Variants in COL2A1 observed in about 807,000 individuals in gnomAD.
COL2A1 encodes the protein collagen alpha-1(II) chain.
A neutral mutation model predicts 204.5 loss-of-function variants in COL2A1; 28 were observed. The observed-to-expected ratio is 0.14, with a 90% CI of 0.10 to 0.19. COL2A1 has a LOEUF of 0.19. COL2A1 is among the 10% of genes least tolerant of loss of function. COL2A1 has a pLI of 1.00. For missense variants in COL2A1, 1,388 were observed against 2,027.5 expected (o/e 0.68, Z 6.06); for synonymous variants, 708 against 718.7 (o/e 0.99, Z 0.24).
At position 47,981,422 on chromosome 12, in the gene COL2A1, C is replaced by G. The variant is rs533900380; in HGVS notation, c.2410-26G>C. Reference sequence around the variant, plus strand: ...CTGAGGGTGGGGAAGGGAGGAAGAGCTGGGGTAAGAAGGTGGGGAGGCAGA... The same window carrying G: ...CTGAGGGTGGGGAAGGGAGGAAGAGGTGGGGTAAGAAGGTGGGGAGGCAGA... On this transcript the variant is annotated intron_variant, in intron 36 of 53. Coordinates refer to ENST00000380518, the MANE Select transcript of COL2A1 (RefSeq NM_001844.5). 12 of 1,601,718 alleles carry G rather than the reference C, an allele frequency of 7.5e-6. No individual in the cohort carries two copies. In the South Asian group the frequency reaches 9.0e-5, roughly 12 times the overall value.
At chr12:47,997,583 G>GA (rs1173711145) in intron 7 of COL2A1, 23 bp downstream of exon 7, 1 of 1,613,884 alleles carries the variant, frequency 6.2e-7, no homozygotes, top group Admixed American at 1.7e-5. Context: ...CAGCCTGAAG[G>GA]AATGGGAAGT....
rs746398266 is a variant in COL2A1 at position 47,987,240 on chromosome 12, G to A, written c.1266+29C>T. The A allele has an allele frequency of 3.7e-6, 6 of 1,613,912 alleles. No individual in the cohort carries two copies. The East Asian group carries it at 1.3e-4, about 36-fold the overall frequency. On this transcript the variant is annotated intron_variant, in intron 20 of 53. Transcript: ENST00000380518. This position sits in a 1 kb window ranked among gnomAD's most constrained non-coding sequence, Gnocchi z 4.1. ...GGAGAGGCAGGACTGGGCTCTCCTG[G>A]GGTAGCAAAGTCCACGGGCAACACT...
chr12:47,977,769 C>T, intron 44 of COL2A1, 116 bp from the exon 45 acceptor site: 1 of 1,228,394 alleles, frequency 8.1e-7, no homozygotes, highest in Non-Finnish European at 1.2e-6. Flanking sequence ...CTCACTCACA[C>T]TTTGAAGCCA....
chr12:47,981,933 G>A (rs1565676743), intron 35 of COL2A1, 104 bp from the exon 36 acceptor site: 2 of 1,337,630 alleles, frequency 1.5e-6, no homozygotes. Flanking sequence ...CGCCTCCAGA[G>A]CTCCCACTTA....
intron 15 of COL2A1, among the ~76,000 whole-genome samples, chr12:47,993,158 C>T (rs1458450125): frequency 6.6e-6 from 1 of 152,182 alleles, no homozygotes; most frequent in Non-Finnish European, 1.5e-5. Flanking sequence ...CTGTTGCTAC[C>T]TATTGGGAAC....
rs922290023 is a variant in COL2A1 at position 47,995,146 on chromosome 12, C to G, written c.762+109G>C. Reference sequence around the variant, plus strand: ...GGTTTGGGACTGCCCAGTCTTGCTCCTCAAGATACCTCCACCCTGGGTGCC... The same window carrying G: ...GGTTTGGGACTGCCCAGTCTTGCTCGTCAAGATACCTCCACCCTGGGTGCC... On this transcript the variant is annotated intron_variant, in intron 11 of 53. Transcript: ENST00000380518. 22 of 940,598 alleles carry G rather than the reference C, an allele frequency of 2.3e-5. No individual in the cohort carries two copies. In the East Asian group the frequency reaches 4.3e-4, roughly 18 times the overall value. The allele number at this position is 940,598 out of a possible 1,614,324, so 58.3% of individuals were successfully genotyped here. A position where few individuals can be genotyped will look rare whatever the true frequency, so the allele number is the denominator to read the frequency against.
rs1025771975 is a variant in COL2A1, at chr12:47,983,115, G to T, written c.2072C>A (p.Ala691Asp). 1 of 1,613,774 alleles carries T rather than the reference G, an allele frequency of 6.2e-7. No homozygotes were observed. The change falls in exon 32 of 54, where the codon GCC becomes GAC. Residue 691 changes from alanine (A) to aspartate (D), a missense_variant. Transcript: ENST00000380518. ...GDQGVPGEAG[A>D]PGLVGPRGER... ...CACCCTGGGACCCACGAGGCCAGGG[G>T]CTCCAGCTTCACCGGGAACACCCTG...
chr12:48,003,228 C>CAA (rs1337370410), intron 1 of COL2A1, among the ~76,000 whole-genome samples: 1 of 152,194 alleles, frequency 6.6e-6, no homozygotes, highest in East Asian at 1.9e-4. Context: ...GACCCGACTA[C>CAA]AAGAGCCATC....
intron 36 of COL2A1, 74 bp from the exon 37 acceptor site, chr12:47,981,470 T>TG: frequency 7.3e-7 from 1 of 1,362,942 alleles, no homozygotes; most frequent in Non-Finnish European, 1.0e-6. Context: ...AAAGTGCATT[T>TG]GGGGGGCCTT....
intron 23 of COL2A1, 86 bp from the exon 24 acceptor site, chr12:47,986,051 A>C: frequency 1.0e-5 from 13 of 1,306,258 alleles, no homozygotes; most frequent in Non-Finnish European, 1.4e-5. Context: ...CTAACCCACC[A>C]ACCCCAATTT....
In COL2A1 at chr12:47,977,387, G is replaced by A. The variant is rs746255869; in HGVS notation, c.3206C>T (p.Ala1069Val). ...GCCAGGGGAGCCAGGGGGCCCAGGG[G>A]CTCCAGGAGCTCCCACAGCACCAGT... ...GETGAVGAPG[A>V]PGPPGSPGPA... Residue 1069 changes from alanine (A) to valine (V), a missense_variant, in exon 46 of 54, where the codon GCC becomes GTC. By Grantham distance (64) the Ala-to-Val change is moderately conservative. Coordinates refer to ENST00000380518, the MANE Select transcript of COL2A1 (RefSeq NM_001844.5). 6.2e-7 allele frequency: 1 copy of A among 1,613,426 alleles called. No individual in the cohort carries two copies. The highest frequency in any genetic ancestry group is 8.5e-7 in the Non-Finnish European group (1 of 1,179,606).
chr12:48,004,644 C>A, upstream of COL2A1: 1 of 233,204 alleles, frequency 4.3e-6, no homozygotes, highest in Non-Finnish European at 8.4e-6. Flanking sequence ...CCAAGCCGGA[C>A]CCCCCTCTCT....
In COL2A1 at chr12:47,980,761, C is replaced by G; in HGVS notation, c.2518-100G>C. The G allele has an allele frequency of 2.8e-6, 4 of 1,409,002 alleles. No homozygotes were observed. The highest frequency in any genetic ancestry group is 3.0e-6 in the Non-Finnish European group (3 of 1,016,594). 87.3% of individuals were successfully genotyped at this position (1,409,002 alleles called of 1,614,324 possible). A position where few individuals can be genotyped will look rare whatever the true frequency, so the allele number is the denominator to read the frequency against. On this transcript the variant is annotated intron_variant, in intron 38 of 53. Transcript: ENST00000380518. This position sits in a 1 kb window ranked among gnomAD's most constrained non-coding sequence, Gnocchi z 4.5. ...CTCTGTGAGTATCTGCGTGTGTGTC[C>G]TGGTCTGGACATGATGGTTCTATTA...
chr12:47,981,655 TACGGCC>T, intron 36 of COL2A1, 115 bp downstream of exon 36: 2 of 1,188,804 alleles, frequency 1.7e-6, no homozygotes, highest in Non-Finnish European at 2.4e-6. Context: ...TCTTCACTCC[TACGGCC>T]TTGGCCGAGG....
chr12:47,984,001 G>T, intron 29 of COL2A1, 86 bp downstream of exon 29: 1 of 1,226,752 alleles, frequency 8.2e-7, no homozygotes, highest in African/African-American at 1.5e-5. Flanking sequence ...ACATCTGTCA[G>T]CTCCATTAAT....
At position 47,978,042 on chromosome 12, in the gene COL2A1, G is replaced by A. The variant is rs775553755; in HGVS notation, c.3079C>T (p.Leu1027=). 6.2e-7 allele frequency: 1 copy of A among 1,613,790 alleles called. No homozygotes were observed. Among genetic ancestry groups the A allele is most frequent in the Admixed American group, 1.7e-5 (1 of 60,022 alleles). ...GPPGPVGPPG[L]TGPAGEPGRE... is the part of the protein sequence containing the mutation. ...CCAGGTTCACCTGCAGGACCCGTCA[G>A]GCCAGGAGGACCCACGGGGCCAGGA... Residue 1027 remains leucine, a synonymous_variant, in exon 44 of 54, where the codon CTG becomes TTG. Coordinates refer to ENST00000380518, the MANE Select transcript of COL2A1 (RefSeq NM_001844.5). This position sits in a 1 kb window ranked among gnomAD's most constrained non-coding sequence, Gnocchi z 5.5.
intron 1 of COL2A1, among the ~76,000 whole-genome samples, chr12:48,003,742 C>G (rs1019969295): frequency 6.6e-6 from 1 of 152,160 alleles, no homozygotes; most frequent in Non-Finnish European, 1.5e-5. Context: ...TTTGAGCCCA[C>G]CAGCCACCAA....
Position 47,976,146 on chromosome 12 carries a change from G to A in COL2A1, c.3490-76C>T. 4.8e-6 allele frequency: 5 copies of A among 1,038,426 alleles called. No homozygotes were observed. The South Asian group carries it at 6.3e-5, about 13-fold the overall frequency. 64.3% of individuals were successfully genotyped at this position (1,038,426 alleles called of 1,614,324 possible). A position where few individuals can be genotyped will look rare whatever the true frequency, so the allele number is the denominator to read the frequency against. ...GGGGAGTCGCTGGGGCTGGGTAGGTGGCTGTCCTGATAGCACCAGCCACTC... is the reference window on the plus strand; with the variant it reads ...GGGGAGTCGCTGGGGCTGGGTAGGTAGCTGTCCTGATAGCACCAGCCACTC... On this transcript the variant is annotated intron_variant, in intron 49 of 53. Coordinates refer to ENST00000380518, the MANE Select transcript of COL2A1 (RefSeq NM_001844.5). This position sits in a 1 kb window ranked among gnomAD's most constrained non-coding sequence, Gnocchi z 4.3.
intron 26 of COL2A1, 142 bp from the exon 27 acceptor site, chr12:47,985,235 C>A: frequency 2.7e-6 from 2 of 744,520 alleles, no homozygotes; most frequent in Non-Finnish European, 4.7e-6. Flanking sequence ...CACATCACAC[C>A]CATGGGCCCA....
Sources: allele counts gnomAD v4.1 joint callset (sites outside exome capture counted in the v4.1 genomes callset), GRCh38; gene constraint gnomAD v4.1.1; non-coding constraint Gnocchi (gnomAD v3.1); transcripts MANE v1.5; gene names NCBI Gene and HGNC (gene_info 2026-07-23, HGNC 2026-07-21).